VOPP1: variants seen among roughly 807,000 people sequenced by gnomAD.
VOPP1 encodes VOPP1 WW domain binding protein, also known as WW domain binding protein VOPP1.
VOPP1 carries 8 observed loss-of-function variants against 23.5 expected under a neutral mutation model. The ratio of observed to expected loss-of-function variants is 0.34; its 90% CI spans 0.20 to 0.61. The LOEUF is 0.61. VOPP1 is among the 20% of genes least tolerant of loss of function. VOPP1 has a pLI of 0.78. For synonymous variants in VOPP1, 83 were observed against 97.3 expected (o/e 0.85, Z 0.86); for missense variants, 174 against 238.1 (o/e 0.73, Z 1.77).
intron 4 of VOPP1, among the ~76,000 whole-genome samples, chr7:55,474,252 G>A (rs900289890): frequency 2.0e-5 from 3 of 152,350 alleles, no homozygotes; most frequent in Admixed American, 6.5e-5. Flanking sequence ...CATCTCACCC[G>A]CTGCCTTGGG....
intron 4 of VOPP1, among the ~76,000 whole-genome samples, chr7:55,448,686 C>T (rs1327440682): frequency 3.9e-5 from 6 of 152,190 alleles, no homozygotes; most frequent in Non-Finnish European, 7.4e-5. Context: ...GGCCTGGCAG[C>T]GCTGCAGGAC....
chr7:55,535,297 T>A (rs977011450), intron 1 of VOPP1, among the ~76,000 whole-genome samples: 1 of 152,218 alleles, frequency 6.6e-6, no homozygotes, highest in African/African-American at 2.4e-5. Flanking sequence ...TTCTTCTGAA[T>A]GCAATTTTAT....
intron 1 of VOPP1, among the ~76,000 whole-genome samples, chr7:55,528,802 G>A (rs1237633203): frequency 4.6e-5 from 7 of 152,280 alleles, no homozygotes; most frequent in African/African-American, 1.7e-4. Flanking sequence ...TACAAGGCTA[G>A]AAAGGGTGTA....
At position 55,462,805 on chromosome 7, in the gene VOPP1, G is replaced by A. The variant is rs530690228; in HGVS notation, n.418-26631C>T. Among the ~76,000 whole-genome samples, 333 of 150,162 alleles carry A rather than the reference G, an allele frequency of 2.2e-3. 5 individuals are homozygous for A. The highest frequency in any genetic ancestry group is 3.6e-3 in the Non-Finnish European group (242 of 66,994). The stretch of plus-strand genomic sequence containing the variant: ...CAAGTAGCTGGGACTACAGGCGCCC[G>A]CCACTACGCCCAGCTAATTTTTTTG... On this transcript the variant is annotated intron_variant and non_coding_transcript_variant, in intron 4 of 4. Coordinates refer to the VOPP1 transcript ENST00000462326.
intron 4 of VOPP1, among the ~76,000 whole-genome samples, chr7:55,464,039 A>G (rs1366525526): frequency 6.6e-6 from 1 of 152,168 alleles, no homozygotes; most frequent in East Asian, 1.9e-4. Context: ...GTATAGACCT[A>G]TCCTCAGCTC....
chr7:55,450,086 C>T (rs1184375776), intron 4 of VOPP1, among the ~76,000 whole-genome samples: 1 of 152,266 alleles, frequency 6.6e-6, no homozygotes, highest in Admixed American at 6.5e-5. Context: ...AGACGAGCAA[C>T]GATTGCATTT....
intron 1 of VOPP1, among the ~76,000 whole-genome samples, chr7:55,531,463 C>A (rs1796494760): frequency 6.6e-6 from 1 of 151,462 alleles, no homozygotes; most frequent in Non-Finnish European, 1.5e-5. Flanking sequence ...GATTCTCTTG[C>A]CCCAGCCTCC....
At chr7:55,437,834 C>T (rs921403265) in intron 4 of VOPP1, among the ~76,000 whole-genome samples, 17 of 151,218 alleles carry the variant, frequency 1.1e-4, no homozygotes, top group African/African-American at 3.2e-4. Context: ...TGTTTCATTT[C>T]GTTTTTCTTT....
chr7:55,529,422 C>T (rs138582659), intron 1 of VOPP1, among the ~76,000 whole-genome samples: 1,633 of 151,168 alleles, frequency 0.011, 11 homozygotes, highest in Middle Eastern at 0.021. Context: ...ACTGGATTCG[C>T]TGCAAGACCC....
chr7:55,509,803 T>C (rs1794957209), intron 2 of VOPP1, among the ~76,000 whole-genome samples: 1 of 152,208 alleles, frequency 6.6e-6, no homozygotes, highest in Non-Finnish European at 1.5e-5. Flanking sequence ...CCTATTCTTT[T>C]CATGGTCTCT....
intron 1 of VOPP1, among the ~76,000 whole-genome samples, chr7:55,564,414 T>G (rs1186458954): frequency 6.6e-6 from 1 of 152,100 alleles, no homozygotes; most frequent in Non-Finnish European, 1.5e-5. Flanking sequence ...ACTAAAGAGC[T>G]AAAGAGTTTC....
intron 2 of VOPP1, among the ~76,000 whole-genome samples, chr7:55,518,391 A>G (rs1372959998): frequency 6.6e-6 from 1 of 152,256 alleles, no homozygotes; most frequent in Non-Finnish European, 1.5e-5. Flanking sequence ...CTGCACGAAC[A>G]TGATTGCAAA....
chr7:55,484,555 C>G (rs750018358), intron 4 of VOPP1, among the ~76,000 whole-genome samples: 11 of 152,254 alleles, frequency 7.2e-5, no homozygotes, highest in African/African-American at 2.4e-4. Flanking sequence ...ATTATTCGCA[C>G]GGGGTGAGCT....
chr7:55,521,645 G>C (rs1205511332), intron 1 of VOPP1: 2 of 987,300 alleles, frequency 2.0e-6, no homozygotes, highest in Non-Finnish European at 2.4e-6. Context: ...GAGAAAGAAG[G>C]AACAAGGAAA....
chr7:55,451,562 C>T (rs1791244637), intron 4 of VOPP1, among the ~76,000 whole-genome samples: 1 of 152,096 alleles, frequency 6.6e-6, no homozygotes, highest in Non-Finnish European at 1.5e-5. Context: ...GAGGCAGAGG[C>T]GGGCGGATCA....
intron 3 of VOPP1, among the ~76,000 whole-genome samples, chr7:55,494,441 A>C (rs1343751777): frequency 6.6e-6 from 1 of 152,150 alleles, no homozygotes; most frequent in African/African-American, 2.4e-5. Flanking sequence ...AAATAAGCTA[A>C]AATGTCGGTT....
At chr7:55,449,731 G>A (rs547422884) in intron 4 of VOPP1, among the ~76,000 whole-genome samples, 7 of 152,092 alleles carry the variant, frequency 4.6e-5, no homozygotes, top group Admixed American at 1.3e-4. Flanking sequence ...GGAGAGCAGC[G>A]AGCAGCCTGG....
chr7:55,553,756 TACACACACACACACACACACACACACAC>T (rs59300549), intron 1 of VOPP1: 2 of 138,508 alleles, frequency 1.4e-5, no homozygotes, highest in Non-Finnish European at 3.1e-5. Flanking sequence ...CCCTGCACTC[TACACACACACACACACACACACACACAC>T]ACACACACAC....
At chr7:55,567,137 A>G (rs977595163) in intron 1 of VOPP1, among the ~76,000 whole-genome samples, 4 of 152,170 alleles carry the variant, frequency 2.6e-5, no homozygotes, top group African/African-American at 9.7e-5. Flanking sequence ...CCCACTGCCC[A>G]TCTACTCAGC....
Sources: gnomAD v4.1 joint callset for allele counts (sites outside exome capture counted in the v4.1 genomes callset) on GRCh38, gnomAD v4.1.1 for gene constraint, MANE v1.5 for transcripts, NCBI Gene and HGNC (gene_info 2026-07-23, HGNC 2026-07-21) for gene names.